Variants in CNTN5 observed in about 807,000 individuals in gnomAD.
CNTN5 encodes contactin-5.
CNTN5 carries 77 observed loss-of-function variants against 129.1 expected under a neutral mutation model. The observed-to-expected ratio is 0.60, with a 90% CI of 0.50 to 0.72. CNTN5 has a LOEUF of 0.72. Ranked by LOEUF, CNTN5 falls within the 30% of genes least tolerant of loss-of-function variation. The pLI is 0.00. For missense variants in CNTN5, 1,478 were observed against 1,328.8 expected (o/e 1.11, Z -1.75); for synonymous variants, 509 against 465.6 (o/e 1.09, Z -1.20).
At chr11:100,051,291 C>T (rs754464321) in intron 9 of CNTN5, among the ~76,000 whole-genome samples, 36 of 151,950 alleles carry the variant, frequency 2.4e-4, no homozygotes, top group Admixed American at 1.7e-3. Flanking sequence ...AAACGAAGAG[C>T]GTATGCTCTC....
intron 13 of CNTN5, among the ~76,000 whole-genome samples, chr11:100,147,884 G>A (rs919271846): frequency 1.4e-4 from 21 of 152,132 alleles, no homozygotes; most frequent in East Asian, 9.7e-4. Context: ...TGACATTTAC[G>A]TCTTCATTTT....
At chr11:99,972,157 A>T (rs1951280071) in intron 8 of CNTN5, among the ~76,000 whole-genome samples, 1 of 150,698 alleles carries the variant, frequency 6.6e-6, no homozygotes, top group Admixed American at 6.7e-5. Context: ...GCTACTCAGG[A>T]GGCTGAGGCA....
At chr11:99,896,762 G>A (rs1388931327) in intron 6 of CNTN5, among the ~76,000 whole-genome samples, 4 of 152,300 alleles carry the variant, frequency 2.6e-5, no homozygotes, top group East Asian at 1.9e-4. Flanking sequence ...GTGGGAGGGA[G>A]GTTCAAGCAC....
At chr11:99,213,419 C>CATATATACGTGTGT (rs1392026784) in intron 1 of CNTN5, among the ~76,000 whole-genome samples, 2 of 141,314 alleles carry the variant, frequency 1.4e-5, no homozygotes, top group African/African-American at 5.3e-5. Flanking sequence ...TATGTATATA[C>CATATATACGTGTGT]ATATATACAC....
intron 20 of CNTN5, among the ~76,000 whole-genome samples, chr11:100,301,857 T>G (rs1019195484): frequency 1.3e-5 from 2 of 151,614 alleles, no homozygotes; most frequent in Admixed American, 6.6e-5. Flanking sequence ...ATTAAAACCC[T>G]GTCAATTTAT....
Position 99,382,673 on chromosome 11 carries a change from A to G in CNTN5, c.-71+57189A>G, listed in dbSNP as rs78200971. ...TTGAACTCCTGAGACTTATGACACA[A>G]TCAGAGACAGGTGATCTGGAAATAT... is the stretch of plus-strand genomic sequence containing the variant. On this transcript the variant is annotated intron_variant, in intron 2 of 24. Coordinates refer to ENST00000524871, the MANE Select transcript of CNTN5 (RefSeq NM_014361.4). Among the ~76,000 whole-genome samples, 1,220 of 152,010 alleles carry G rather than the reference A, an allele frequency of 8.0e-3. 78 individuals carry two copies. In the East Asian group the frequency reaches 0.14, roughly 18 times the overall value.
chr11:100,045,180 A>AATTAAGAC (rs1445273215), intron 9 of CNTN5, among the ~76,000 whole-genome samples: 1 of 152,288 alleles, frequency 6.6e-6, no homozygotes, highest in East Asian at 1.9e-4. Context: ...GATGTAAAGA[A>AATTAAGAC]ATTAAGACTT....
intron 3 of CNTN5, among the ~76,000 whole-genome samples, chr11:99,675,013 GGTTTTGTTTT>G (rs141283660): frequency 2.0e-4 from 30 of 149,578 alleles, no homozygotes; most frequent in African/African-American, 6.4e-4. Flanking sequence ...GCATTTTTCT[GGTTTTGTTTT>G]GTTTTGTTTT....
intron 3 of CNTN5, among the ~76,000 whole-genome samples, chr11:99,602,048 C>G (rs1413785136): frequency 6.6e-6 from 1 of 151,970 alleles, no homozygotes; most frequent in African/African-American, 2.4e-5. Flanking sequence ...GATATGCATA[C>G]ATATATAATA....
chr11:99,972,339 T>TG (rs1275020764), intron 8 of CNTN5, among the ~76,000 whole-genome samples: 1 of 128,106 alleles, frequency 7.8e-6, no homozygotes, highest in African/African-American at 3.1e-5. Context: ...CCAGAGTTTC[T>TG]GGGGCAGTCC....
chr11:99,739,874 CTT>C (rs1418548803), intron 3 of CNTN5, among the ~76,000 whole-genome samples: 1 of 152,030 alleles, frequency 6.6e-6, no homozygotes, highest in Non-Finnish European at 1.5e-5. Context: ...CTTTTAAAAA[CTT>C]TAGCTGGCAC....
chr11:100,157,107 C>T (rs931298603), intron 13 of CNTN5, among the ~76,000 whole-genome samples: 20 of 151,712 alleles, frequency 1.3e-4, no homozygotes, highest in African/African-American at 4.8e-4. Flanking sequence ...TTAGATCTTC[C>T]CTGCTTTCTT....
intron 3 of CNTN5, among the ~76,000 whole-genome samples, chr11:99,620,928 T>TCTCTC (rs147250516): frequency 3.3e-5 from 5 of 151,836 alleles, no homozygotes; most frequent in Non-Finnish European, 7.4e-5. Flanking sequence ...CTTAGAATTT[T>TCTCTC]TTTTCTTTAC....
intron 6 of CNTN5, among the ~76,000 whole-genome samples, chr11:99,859,030 A>G (rs1000362813): frequency 6.6e-6 from 1 of 152,174 alleles, no homozygotes; most frequent in Non-Finnish European, 1.5e-5. Context: ...TGCTCAAAGT[A>G]GCATAGTTAA....
intron 6 of CNTN5, among the ~76,000 whole-genome samples, chr11:99,876,137 CTG>C (rs1008286894): frequency 1.3e-5 from 2 of 152,108 alleles, no homozygotes; most frequent in African/African-American, 4.8e-5. Flanking sequence ...CTAGAATACT[CTG>C]TAACTTTCAC....
intron 13 of CNTN5, among the ~76,000 whole-genome samples, chr11:100,104,847 T>C (rs1456831221): frequency 6.6e-6 from 1 of 152,184 alleles, no homozygotes; most frequent in East Asian, 1.9e-4. Flanking sequence ...AGAATCCTTC[T>C]ACAGGCATAT....
intron 13 of CNTN5, among the ~76,000 whole-genome samples, chr11:100,153,697 C>G (rs2138322198): frequency 6.6e-6 from 1 of 152,064 alleles, no homozygotes; most frequent in East Asian, 1.9e-4. Flanking sequence ...AAAACTATGC[C>G]AAAACATTAT....
chr11:99,579,797 T>C (rs79627502), intron 3 of CNTN5, among the ~76,000 whole-genome samples: 135,919 of 149,662 alleles, frequency 0.91, 62,040 homozygotes, highest in East Asian at 1. Context: ...TTGACTTCCT[T>C]TTTTCCTAAT....
In CNTN5 at chr11:99,779,016, A is replaced by AT. The variant is rs199840156; in HGVS notation, c.56-40524dup. ...TTATTTTAAACACAACAATACTACC[A>AT]TTTTATACCTCATCAGAAAATTTTT... is the stretch of plus-strand genomic sequence containing the variant. On this transcript the variant is annotated intron_variant, in intron 3 of 24. Coordinates refer to ENST00000524871, the MANE Select transcript of CNTN5 (RefSeq NM_014361.4). 2.0e-3 allele frequency among the ~76,000 whole-genome samples: 302 copies of AT among 151,946 alleles called. 1 individual carries two copies. The highest frequency in any genetic ancestry group is 7.1e-3 in the African/African-American group (296 of 41,540).
Sources: allele counts gnomAD v4.1 joint callset (sites outside exome capture counted in the v4.1 genomes callset), GRCh38; gene constraint gnomAD v4.1.1; transcripts MANE v1.5; gene names NCBI Gene and HGNC (gene_info 2026-07-23, HGNC 2026-07-21).